The following USP32 variants were observed in gnomAD, a reference collection of about 807,000 sequenced individuals.
The protein encoded by USP32 is ubiquitin carboxyl-terminal hydrolase 32.
Under a neutral mutation model 204.8 loss-of-function variants are expected in USP32, and 59 were observed. That is an observed-to-expected ratio of 0.29 (90% confidence interval 0.23 to 0.36). USP32 has a LOEUF of 0.36. USP32 is among the 10% of genes least tolerant of loss of function. The pLI, the probability that USP32 is intolerant of heterozygous loss-of-function variation, is 1.00. For synonymous variants in USP32, 517 were observed against 678.4 expected (o/e 0.76, Z 3.70); for missense variants, 1,160 against 1,946.4 (o/e 0.60, Z 7.60).
intron 5 of USP32, among the ~76,000 whole-genome samples, chr17:60,275,624 C>T (rs2086821926): frequency 6.6e-6 from 1 of 151,898 alleles, no homozygotes; most frequent in African/African-American, 2.4e-5. Flanking sequence ...ATTTATTTTT[C>T]CTGTTAGGTC....
intron 2 of USP32, among the ~76,000 whole-genome samples, chr17:60,327,093 G>A (rs73320713): frequency 0.017 from 2,595 of 152,226 alleles, 79 homozygotes; most frequent in African/African-American, 0.059. Flanking sequence ...AACAACAATT[G>A]GTTGTATATT....
chr17:60,380,840 AATT>A (rs1182493861), intron 1 of USP32, among the ~76,000 whole-genome samples: 1 of 152,164 alleles, frequency 6.6e-6, no homozygotes. Flanking sequence ...TGGGCACCCA[AATT>A]ATAATAAGAA....
At chr17:60,364,551 A>G (rs1453517720) in intron 1 of USP32, among the ~76,000 whole-genome samples, 3 of 152,032 alleles carry the variant, frequency 2.0e-5, no homozygotes, top group Non-Finnish European at 2.9e-5. Flanking sequence ...TAATTTTTCT[A>G]TTTTTAGTAG....
intron 25 of USP32, among the ~76,000 whole-genome samples, chr17:60,206,439 A>T (rs1006723709): frequency 6.7e-6 from 1 of 149,504 alleles, no homozygotes; most frequent in African/African-American, 2.6e-5. Flanking sequence ...CAAAGATCAC[A>T]GAAGTTTCCA....
Position 60,217,270 on chromosome 17 carries a change from A to C in USP32, c.1867+2400T>G, listed in dbSNP as rs532832414. On this transcript the variant is annotated intron_variant, in intron 16 of 33. Transcript: ENST00000300896. ...AAGAATACCTACTAAAAGTGCAACA[A>C]CACATCTTGCCTCTCATGTTATCTT... Among the ~76,000 whole-genome samples, 837 of 152,168 alleles carry C rather than the reference A, an allele frequency of 5.5e-3. 11 individuals are homozygous for C. Among genetic ancestry groups the C allele is most frequent in the African/African-American group, 0.019 (794 of 41,524 alleles).
intron 2 of USP32, among the ~76,000 whole-genome samples, chr17:60,336,571 C>T (rs1229880763): frequency 7.0e-6 from 1 of 143,228 alleles, no homozygotes; most frequent in Non-Finnish European, 1.5e-5. Context: ...AAAAAATTAG[C>T]CGGGCGTAGT....
chr17:60,179,104 C>T lies in USP32; in HGVS notation c.*151G>A. On this transcript the variant is annotated 3_prime_UTR_variant, in exon 34 of 34. Coordinates refer to ENST00000300896, the MANE Select transcript of USP32 (RefSeq NM_032582.4). ...AAATGATTACTACTCTTAAAGTTAA[C>T]TATTTTAATTAGAATTTTTATTTTG... 1 of 886,616 alleles carries T rather than the reference C, an allele frequency of 1.1e-6. No homozygotes were observed. The highest frequency in any genetic ancestry group is 2.8e-5 in the East Asian group (1 of 35,936). 54.9% of individuals were successfully genotyped at this position (886,616 alleles called of 1,614,324 possible). A position where few individuals can be genotyped will look rare whatever the true frequency, so the allele number is the denominator to read the frequency against.
At chr17:60,208,587 A>T in intron 23 of USP32, 67 bp downstream of exon 23, 1 of 1,450,946 alleles carries the variant, frequency 6.9e-7, no homozygotes, top group Admixed American at 2.7e-5. Flanking sequence ...TATGCTTACA[A>T]ATTCAGGCTA....
chr17:60,410,616 C>T (rs1252935823), intron 1 of USP32, among the ~76,000 whole-genome samples: 1 of 151,832 alleles, frequency 6.6e-6, no homozygotes, highest in Non-Finnish European at 1.5e-5. Context: ...TGCAGTGAGC[C>T]GAGATTGCAC....
At chr17:60,200,902 C>T (rs1048540241) in intron 26 of USP32, among the ~76,000 whole-genome samples, 1 of 152,138 alleles carries the variant, frequency 6.6e-6, no homozygotes, top group Non-Finnish European at 1.5e-5. Context: ...CTCTGTCATC[C>T]AGGCTGGAGC....
At chr17:60,367,879 T>C (rs879425567) in intron 1 of USP32, among the ~76,000 whole-genome samples, 1 of 152,148 alleles carries the variant, frequency 6.6e-6, no homozygotes, top group Non-Finnish European at 1.5e-5. Flanking sequence ...TACAGGCTTT[T>C]TTTTTTCTTT....
At chr17:60,318,747 T>C (rs2088043574) in intron 2 of USP32, among the ~76,000 whole-genome samples, 1 of 152,216 alleles carries the variant, frequency 6.6e-6, no homozygotes, top group South Asian at 2.1e-4. Flanking sequence ...AATGATATCC[T>C]ACATCATTTT....
rs141470683 is a variant in USP32 at position 60,307,041 on chromosome 17, C to T, written c.187-5337G>A. ...GATGAAAGAAATTGAAGAGGACACA[C>T]ACACAAAATGGAAAGGTATTCTATG... On this transcript the variant is annotated intron_variant, in intron 2 of 33. Coordinates refer to ENST00000300896, the MANE Select transcript of USP32 (RefSeq NM_032582.4). 1.8e-4 allele frequency among the ~76,000 whole-genome samples: 27 copies of T among 151,320 alleles called. No homozygotes were observed. The East Asian group carries it at 5.2e-3, about 29-fold the overall frequency.
chr17:60,341,741 T>C (rs563990322), intron 2 of USP32, among the ~76,000 whole-genome samples: 4 of 152,328 alleles, frequency 2.6e-5, no homozygotes, highest in African/African-American at 9.6e-5. Flanking sequence ...CGCCATGGTT[T>C]TCAGCTCCAT....
At chr17:60,199,927 G>A (rs1344895411) in intron 26 of USP32, among the ~76,000 whole-genome samples, 2 of 152,208 alleles carry the variant, frequency 1.3e-5, no homozygotes, top group Admixed American at 1.3e-4. Context: ...CAGGTGCAGT[G>A]GCTCATGCCT....
rs534548617 is a variant in USP32 at position 60,179,002 on chromosome 17, A to G, written c.*253T>C. On this transcript the variant is annotated 3_prime_UTR_variant, in exon 34 of 34. Coordinates refer to ENST00000300896, the MANE Select transcript of USP32 (RefSeq NM_032582.4). ...ATTTGGTCCCAGGTGGCTGGTGCCA[A>G]ACCTTTTGTTTACAGGCTAATGGTG... 1.9e-4 allele frequency: 74 copies of G among 393,624 alleles called. No homozygotes were observed. The highest frequency in any genetic ancestry group is 1.8e-3 in the East Asian group (44 of 24,470). The allele number at this position is 393,624 out of a possible 1,614,324, so 24.4% of individuals were successfully genotyped here.
chr17:60,182,517 C>T (rs1172663107), intron 31 of USP32, among the ~76,000 whole-genome samples: 2 of 152,172 alleles, frequency 1.3e-5, no homozygotes, highest in Non-Finnish European at 2.9e-5. Context: ...AATCCCAGCA[C>T]TTTAAGAGGC....
chr17:60,329,110 C>T (rs372258120), intron 2 of USP32, among the ~76,000 whole-genome samples: 3 of 152,160 alleles, frequency 2.0e-5, no homozygotes, highest in African/African-American at 7.2e-5. Flanking sequence ...CACTGTACTC[C>T]ATAAATATGT....
chr17:60,357,453 TTAAAAA>T (rs2089106614), intron 1 of USP32, among the ~76,000 whole-genome samples: 1 of 151,816 alleles, frequency 6.6e-6, no homozygotes, highest in African/African-American at 2.4e-5. Context: ...ACCCTGTCTC[TTAAAAA>T]TAAAAATAAA....
Sources: allele counts gnomAD v4.1 joint callset (sites outside exome capture counted in the v4.1 genomes callset), GRCh38; gene constraint gnomAD v4.1.1; transcripts MANE v1.5; gene names NCBI Gene and HGNC (gene_info 2026-07-23, HGNC 2026-07-21).